The following MYO7A variants were observed in gnomAD, a reference collection of about 807,000 sequenced individuals.
MYO7A encodes the protein unconventional myosin-VIIa.
Under a neutral mutation model 263.8 loss-of-function variants are expected in MYO7A, and 210 were observed. The observed-to-expected ratio is 0.80, with a 90% CI of 0.71 to 0.89. MYO7A has a LOEUF of 0.89. Among genes scored for constraint, MYO7A ranks in the 40% least tolerant of loss-of-function variants. The probability of loss-of-function intolerance (pLI) is 0.00; values close to 1 mark genes in which losing one functional copy is unlikely to be tolerated. For missense variants in MYO7A, 2,820 were observed against 2,968.3 expected (o/e 0.95, Z 1.16); for synonymous variants, 1,239 against 1,197.3 (o/e 1.03, Z -0.72).
At position 77,156,693 on chromosome 11, in the gene MYO7A, A is replaced by G. The variant is rs1555062500; in HGVS notation, c.504A>G (p.Thr168=). Residue 168 remains threonine (T), a synonymous_variant, in exon 6 of 49, where the codon ACA becomes ACG. Transcript: ENST00000409709. ...GESGAGKTES[T]KLILQFLAAI... ...CTGGGGCCGGGAAGACGGAGAGCAC[A>G]AAGCTGATCCTGCAGTTCCTGGCAG... 4 of 1,613,964 alleles carry G rather than the reference A, an allele frequency of 2.5e-6. 1 individual carries two copies. In the South Asian group the frequency reaches 4.4e-5, roughly 18 times the overall value.
At chr11:77,155,776 G>T in intron 4 of MYO7A, 131 bp from the exon 5 acceptor site, 1 of 1,000,964 alleles carries the variant, frequency 1.0e-6, no homozygotes, top group Non-Finnish European at 1.4e-6. Context: ...CTGGCTCCAG[G>T]TCCACCCACA....
chr11:77,162,852 G>C lies in MYO7A; in HGVS notation c.1555-1G>C. 3.1e-6 allele frequency: 5 copies of C among 1,613,340 alleles called. No individual in the cohort carries two copies. Among genetic ancestry groups the C allele is most frequent in the Non-Finnish European group, 3.4e-6 (4 of 1,179,590 alleles). On this transcript the variant is annotated splice_acceptor_variant, in intron 13 of 48. Transcript: ENST00000409709. LOFTEE classifies it high-confidence loss of function. Reference sequence around the variant, plus strand: ...CTCACAGCTGCCCCTCCACTCCCCAGGGCACAGACACCACCATGTTACACA... The same window carrying C: ...CTCACAGCTGCCCCTCCACTCCCCACGGCACAGACACCACCATGTTACACA...
In MYO7A at chr11:77,215,050, C is replaced by T. The variant is rs1307353463; in HGVS notation, c.*354C>T. The T allele has an allele frequency of 3.9e-6, 1 of 257,668 alleles. No homozygotes were observed. The highest frequency in any genetic ancestry group is 2.2e-5 in the African/African-American group (1 of 45,502). The allele number at this position is 257,668 out of a possible 1,614,324, so 16.0% of individuals were successfully genotyped here. On this transcript the variant is annotated 3_prime_UTR_variant, in exon 49 of 49. Coordinates refer to ENST00000409709, the MANE Select transcript of MYO7A (RefSeq NM_000260.4). Reference sequence around the variant, plus strand: ...CTGTGTACCACTGGGATAGAGGAATCAAGAGGACAATCTAGCTCTCCATAC... The same window carrying T: ...CTGTGTACCACTGGGATAGAGGAATTAAGAGGACAATCTAGCTCTCCATAC...
Position 77,172,818 on chromosome 11 carries a change from G to C in MYO7A, c.1868G>C (p.Arg623Pro). The C allele has an allele frequency of 1.3e-6, 2 of 1,553,612 alleles. No homozygotes were observed. The highest frequency in any genetic ancestry group is 1.7e-6 in the Non-Finnish European group (2 of 1,148,364). The change falls in exon 16 of 49, where the codon CGC becomes CCC. Residue 623 changes from arginine (R) to proline (P), a missense_variant. Coordinates refer to ENST00000409709, the MANE Select transcript of MYO7A (RefSeq NM_000260.4). Reference protein sequence around the residue: ...QFKRSLELLMRTLGACQPFFV... With the variant: ...QFKRSLELLMPTLGACQPFFV... ...AAGCGGTCACTGGAGCTGCTGATGC[G>C]CACGCTGGGTGCCTGCCAGCCCTTC...
At chr11:77,182,202 G>C (rs1555085192) in intron 24 of MYO7A, 48 bp downstream of exon 24, 1 of 1,603,994 alleles carries the variant, frequency 6.2e-7, no homozygotes, top group African/African-American at 1.3e-5. Flanking sequence ...GCCAGGGCTG[G>C]GGCTATGGAC....
At position 77,135,738 on chromosome 11, in the gene MYO7A, CTGTTT is replaced by C. The variant is rs57209537; in HGVS notation, c.18+5110_18+5114del. On this transcript the variant is annotated intron_variant, in intron 2 of 48. Coordinates refer to ENST00000409709, the MANE Select transcript of MYO7A (RefSeq NM_000260.4). ...CCACATCTTTACCAATACTTATTTT[CTGTTT>C]TGTTTTGTTTTGTTTTGTTTTGTAA... Among the ~76,000 whole-genome samples, 1,422 of 151,612 alleles carry C rather than the reference CTGTTT, an allele frequency of 9.4e-3. 16 individuals carry two copies. Among genetic ancestry groups the C allele is most frequent in the African/African-American group, 0.031 (1,266 of 41,208 alleles).
chr11:77,137,850 CTG>C (rs1254689573), intron 2 of MYO7A, among the ~76,000 whole-genome samples: 1 of 152,170 alleles, frequency 6.6e-6, no homozygotes, highest in Admixed American at 6.5e-5. Context: ...CAGAAGGAAA[CTG>C]TATCTGCCCT....
rs924161767 is a variant in MYO7A at position 77,172,638 on chromosome 11, C to T, written c.1798-110C>T. 37 of 1,400,922 alleles carry T rather than the reference C, an allele frequency of 2.6e-5. No individual in the cohort carries two copies. The African/African-American group carries it at 5.3e-4, about 20-fold the overall frequency. 86.8% of individuals were successfully genotyped at this position (1,400,922 alleles called of 1,614,324 possible). Reference sequence around the variant, plus strand: ...GGAAAACTTCAAATACCGCCCTGTCCCTCAAACCCTGACCCCGCTGACCTC... The same window carrying T: ...GGAAAACTTCAAATACCGCCCTGTCTCTCAAACCCTGACCCCGCTGACCTC... On this transcript the variant is annotated intron_variant, in intron 15 of 48. Coordinates refer to ENST00000409709, the MANE Select transcript of MYO7A (RefSeq NM_000260.4).
intron 35 of MYO7A, among the ~76,000 whole-genome samples, chr11:77,200,610 A>G (rs1401732211): frequency 6.6e-6 from 1 of 152,240 alleles, no homozygotes; most frequent in African/African-American, 2.4e-5. Flanking sequence ...CATATCACAG[A>G]CCATGCCCCG....
At chr11:77,144,270 G>A (rs1167253731) in intron 3 of MYO7A, among the ~76,000 whole-genome samples, 1 of 152,206 alleles carries the variant, frequency 6.6e-6, no homozygotes, top group African/African-American at 2.4e-5. Context: ...TACTATGAGG[G>A]TGCAGCCACA....
At chr11:77,205,734 G>A (rs1454319249) in intron 40 of MYO7A, 117 bp downstream of exon 40, 14 of 1,363,196 alleles carry the variant, frequency 1.0e-5, no homozygotes, top group African/African-American at 1.4e-5. Context: ...CACCCCTGGG[G>A]TACCTCAACT....
At chr11:77,194,090 GC>G (rs1565447033) in intron 31 of MYO7A, 1 of 657,490 alleles carries the variant, frequency 1.5e-6, no homozygotes, top group Admixed American at 2.1e-5. Context: ...CACTTCATGT[GC>G]CCCTGGGCAG....
intron 23 of MYO7A, 120 bp downstream of exon 23, chr11:77,181,709 A>C: frequency 1.0e-6 from 1 of 990,808 alleles, no homozygotes; most frequent in Non-Finnish European, 1.5e-6. Context: ...GGGAGCAGAG[A>C]TGAACTGGGT....
chr11:77,160,512 A>G (rs1952894836), intron 11 of MYO7A, among the ~76,000 whole-genome samples: 2 of 152,112 alleles, frequency 1.3e-5, no homozygotes, highest in East Asian at 3.9e-4. Context: ...TTGGTCAGCC[A>G]TGTTGTTCCC....
In MYO7A at chr11:77,192,034, C is replaced by T. The variant is rs1388760615; in HGVS notation, c.3925-17C>T. The T allele has an allele frequency of 8.7e-6, 14 of 1,605,462 alleles. No individual in the cohort carries two copies. The highest frequency in any genetic ancestry group is 1.2e-5 in the Non-Finnish European group (14 of 1,174,880). On this transcript the variant is annotated splice_polypyrimidine_tract_variant and intron_variant, in intron 30 of 48. Transcript: ENST00000409709. ...TCCCTGACTCTGTGCCTGCTCCCCT[C>T]CCCTCTGTGCCCACAGGTGTCCTCC...
chr11:77,175,272 G>C (rs549234053), intron 17 of MYO7A, 100 bp from the exon 18 acceptor site: 240 of 1,115,890 alleles, frequency 2.2e-4, no homozygotes, highest in Non-Finnish European at 2.9e-4. Context: ...GTCAGGGGCA[G>C]AGCTCGGGAA....
intron 25 of MYO7A, 51 bp from the exon 26 acceptor site, chr11:77,183,017 G>A: frequency 9.4e-6 from 14 of 1,485,652 alleles, no homozygotes; most frequent in Non-Finnish European, 1.1e-5. Context: ...CGGGGGTCTC[G>A]ACATTGCTTT....
At position 77,179,720 on chromosome 11, in the gene MYO7A, T is replaced by C. The variant is rs782015906; in HGVS notation, c.2368-15T>C. ...GGGACAGCAGGCTCTGAGCATGGGG[T>C]GGCTGTCCTTGCAGATGCGTCTGGG... On this transcript the variant is annotated splice_polypyrimidine_tract_variant and intron_variant, in intron 20 of 48. Transcript: ENST00000409709. The C allele has an allele frequency of 1.9e-5, 29 of 1,521,012 alleles. No individual in the cohort carries two copies. The East Asian group carries it at 7.2e-4, about 38-fold the overall frequency. The allele number at this position is 1,521,012 out of a possible 1,614,324, so 94.2% of individuals were successfully genotyped here.
chr11:77,189,935 C>T lies in MYO7A; in HGVS notation c.3631-85C>T, dbSNP rs1955923216. On this transcript the variant is annotated intron_variant, in intron 28 of 48. Transcript: ENST00000409709. ...GCAACCTGGCCTGGAGGAGCGGCCTCCAAGTGCCGGGAGGGCCTGGCGGCT... is the reference window on the plus strand; with the variant it reads ...GCAACCTGGCCTGGAGGAGCGGCCTTCAAGTGCCGGGAGGGCCTGGCGGCT... 2.1e-6 allele frequency: 3 copies of T among 1,444,100 alleles called. No homozygotes were observed. In the Admixed American group the frequency reaches 8.3e-5, roughly 40 times the overall value. 89.5% of individuals were successfully genotyped at this position (1,444,100 alleles called of 1,614,324 possible).
Sources: allele counts gnomAD v4.1 joint callset (sites outside exome capture counted in the v4.1 genomes callset), GRCh38; gene constraint gnomAD v4.1.1; transcripts MANE v1.5; gene names NCBI Gene and HGNC (gene_info 2026-07-23, HGNC 2026-07-21).